CEP135: variants seen among roughly 807,000 people sequenced by gnomAD.
The protein encoded by CEP135 is centrosomal protein of 135 kDa.
In CEP135, 142 loss-of-function variants were observed where a neutral mutation model predicts 157.3. The ratio of observed to expected loss-of-function variants is 0.90; its 90% CI spans 0.79 to 1.04. CEP135 has a LOEUF of 1.04. CEP135 is among the 50% of genes least tolerant of loss of function. The pLI, the probability that CEP135 is intolerant of heterozygous loss-of-function variation, is 0.00. For missense variants in CEP135, 1,317 were observed against 1,309.2 expected, an observed-to-expected ratio of 1.01 and a Z score of -0.09; for synonymous variants, 396 against 439.8, an observed-to-expected ratio of 0.90 and a Z score of 1.25.
chr4:56,018,046 T>G (rs1730841811), intron 22 of CEP135, among the ~76,000 whole-genome samples, 189 bp downstream of exon 22: 1 of 151,322 alleles, frequency 6.6e-6, no homozygotes, highest in South Asian at 2.1e-4. Flanking sequence ...TCACCACAAC[T>G]TCCGCCTCCT....
At chr4:55,983,066 C>T (rs1309830567) in intron 13 of CEP135, among the ~76,000 whole-genome samples, 1 of 152,186 alleles carries the variant, frequency 6.6e-6, no homozygotes, top group Non-Finnish European at 1.5e-5. Flanking sequence ...GTTGAAGTTT[C>T]ACCCTAAATA....
intron 17 of CEP135, among the ~76,000 whole-genome samples, chr4:56,003,478 G>A (rs1355975683): frequency 1.3e-5 from 2 of 152,154 alleles, no homozygotes; most frequent in Non-Finnish European, 2.9e-5. Flanking sequence ...AAAGTGCTGG[G>A]ATTAGAGGTG....
chr4:55,997,232 T>A (rs1191090376), intron 15 of CEP135, among the ~76,000 whole-genome samples: 1 of 152,194 alleles, frequency 6.6e-6, no homozygotes, highest in African/African-American at 2.4e-5. Flanking sequence ...AAAACTTTGG[T>A]CGGAAAAGTT....
At chr4:55,997,233 C>T (rs935906937) in intron 15 of CEP135, among the ~76,000 whole-genome samples, 1 of 152,142 alleles carries the variant, frequency 6.6e-6, no homozygotes, top group East Asian at 1.9e-4. Flanking sequence ...AAACTTTGGT[C>T]GGAAAAGTTA....
chr4:56,020,905 T>C, intron 24 of CEP135, 125 bp downstream of exon 24: 1 of 638,682 alleles, frequency 1.6e-6, no homozygotes. Context: ...AGTACATTTC[T>C]TTGGTAATTC....
Position 55,969,846 on chromosome 4 carries a change from A to G in CEP135, c.1110+718A>G, listed in dbSNP as rs564587246. 5.9e-5 allele frequency among the ~76,000 whole-genome samples: 9 copies of G among 152,256 alleles called. No homozygotes were observed. In the South Asian group the frequency reaches 1.9e-3, roughly 32 times the overall value. On this transcript the variant is annotated intron_variant, in intron 9 of 25. Coordinates refer to ENST00000257287, the MANE Select transcript of CEP135 (RefSeq NM_025009.5). Reference sequence around the variant, plus strand: ...CTTGAAATATTTGTTGATTATTACAAAAGGCACTCCATCCTCTTTTATTTA... The same window carrying G: ...CTTGAAATATTTGTTGATTATTACAGAAGGCACTCCATCCTCTTTTATTTA...
chr4:55,962,555 C>T (rs1728715867), intron 6 of CEP135, among the ~76,000 whole-genome samples: 1 of 152,144 alleles, frequency 6.6e-6, no homozygotes. Flanking sequence ...CTTCTGCACT[C>T]ACTATGTGAA....
chr4:55,993,335 T>A (rs550833814), intron 15 of CEP135, among the ~76,000 whole-genome samples: 1 of 152,194 alleles, frequency 6.6e-6, no homozygotes, highest in Non-Finnish European at 1.5e-5. Context: ...AGTCTGAGAC[T>A]GTAGTTCATA....
intron 1 of CEP135, among the ~76,000 whole-genome samples, chr4:55,949,544 T>C (rs1422191911): frequency 2.6e-5 from 4 of 152,224 alleles, no homozygotes; most frequent in Non-Finnish European, 4.4e-5. Context: ...AAGAAAGGAC[T>C]CTGAGATAAC....
chr4:55,981,963 G>T (rs1463734130), intron 13 of CEP135, among the ~76,000 whole-genome samples: 1 of 152,058 alleles, frequency 6.6e-6, no homozygotes, highest in African/African-American at 2.4e-5. Context: ...TTATACTGGG[G>T]TTACCTCCTG....
intron 11 of CEP135, among the ~76,000 whole-genome samples, chr4:55,977,372 A>G (rs1467536333): frequency 6.6e-6 from 1 of 152,156 alleles, no homozygotes; most frequent in Non-Finnish European, 1.5e-5. Flanking sequence ...AGTTTTGAGT[A>G]TGGTGTAGGC....
At chr4:55,954,663 A>G (rs1041374805) in intron 4 of CEP135, among the ~76,000 whole-genome samples, 6 of 152,070 alleles carry the variant, frequency 3.9e-5, no homozygotes, top group Non-Finnish European at 7.4e-5. Context: ...TCTTTTTTCT[A>G]TTATTATTAT....
At chr4:56,014,676 A>T (rs1166317337) in intron 21 of CEP135, among the ~76,000 whole-genome samples, 2 of 152,174 alleles carry the variant, frequency 1.3e-5, no homozygotes, top group African/African-American at 4.8e-5. Context: ...CTTGTTACTT[A>T]CAGTAAAATA....
At chr4:55,995,136 A>G (rs745519314) in intron 15 of CEP135, among the ~76,000 whole-genome samples, 23 of 152,186 alleles carry the variant, frequency 1.5e-4, no homozygotes, top group Non-Finnish European at 2.5e-4. Context: ...GAGATCTGGC[A>G]TTTTATACCC....
rs761451061 is a variant in CEP135 at position 56,009,723 on chromosome 4, C to A, written c.2337-12C>A. ...AGTTTTCTTTATTAGTTTCACATCA[C>A]TCATTTAACAGCCAGCTGAAAGAAA... On this transcript the variant is annotated splice_polypyrimidine_tract_variant and intron_variant, in intron 18 of 25. Coordinates refer to ENST00000257287, the MANE Select transcript of CEP135 (RefSeq NM_025009.5). 1 of 1,590,554 alleles carries A rather than the reference C, an allele frequency of 6.3e-7. No individual in the cohort carries two copies. The highest frequency in any genetic ancestry group is 8.5e-7 in the Non-Finnish European group (1 of 1,173,534).
chr4:55,962,706 T>C (rs1187431257), intron 6 of CEP135, among the ~76,000 whole-genome samples: 1 of 151,442 alleles, frequency 6.6e-6, no homozygotes, highest in African/African-American at 2.4e-5. Flanking sequence ...TTCATTTTTT[T>C]CCAGTTTTCT....
At chr4:55,999,462 G>A in intron 16 of CEP135, 29 bp from the exon 17 acceptor site, 1 of 1,612,490 alleles carries the variant, frequency 6.2e-7, no homozygotes, top group Non-Finnish European at 8.5e-7. Context: ...AATGTACTTT[G>A]TCTAACAAAC....
intron 5 of CEP135, among the ~76,000 whole-genome samples, chr4:55,959,333 C>T (rs568620838): frequency 2.0e-5 from 3 of 152,146 alleles, no homozygotes; most frequent in African/African-American, 4.8e-5. Context: ...TCTTATTTCA[C>T]TTACTAAGTC....
intron 21 of CEP135, among the ~76,000 whole-genome samples, chr4:56,013,486 A>C (rs924785441): frequency 5.3e-5 from 8 of 152,100 alleles, no homozygotes; most frequent in Non-Finnish European, 1.2e-4. Flanking sequence ...TTTTCTAATA[A>C]GAGTTTTATA....
Sources: allele counts gnomAD v4.1 joint callset (sites outside exome capture counted in the v4.1 genomes callset), GRCh38; gene constraint gnomAD v4.1.1; transcripts MANE v1.5; gene names NCBI Gene and HGNC (gene_info 2026-07-23, HGNC 2026-07-21).